Variants in PFDN4 observed in about 807,000 individuals in gnomAD.
The protein encoded by PFDN4 is prefoldin subunit 4.
In PFDN4, 6 loss-of-function variants were observed where a neutral mutation model predicts 17.6. That is an observed-to-expected ratio of 0.34 (90% CI 0.19 to 0.67). PFDN4 has a LOEUF of 0.67. Ranked by LOEUF, PFDN4 falls within the 30% of genes least tolerant of loss-of-function variation. The probability of loss-of-function intolerance (pLI) is 0.68; values close to 1 mark genes in which losing one functional copy is unlikely to be tolerated. For missense variants in PFDN4, 119 were observed against 158.4 expected (o/e 0.75, Z 1.33); for synonymous variants, 48 against 51.1 (o/e 0.94, Z 0.26).
chr20:54,218,960 C>T (rs1245926251), intron 3 of PFDN4, 59 bp from the exon 4 acceptor site: 1 of 1,105,488 alleles, frequency 9.0e-7, no homozygotes. Flanking sequence ...TTATTTCAGA[C>T]ACAGATGCTC....
intron 1 of PFDN4, among the ~76,000 whole-genome samples, chr20:54,213,217 A>T (rs1328121576): frequency 6.6e-6 from 1 of 152,254 alleles, no homozygotes; most frequent in Non-Finnish European, 1.5e-5. Context: ...ATACACACAC[A>T]AATATCTTTT....
At chr20:54,215,166 G>C (rs1964861) in intron 2 of PFDN4, 134 bp from the exon 3 acceptor site, 86,867 of 563,224 alleles carry the variant, frequency 0.15, 7,766 homozygotes, top group African/African-American at 0.18. Context: ...TACAAATTAA[G>C]GTCTTATTCT....
In PFDN4 at chr20:54,219,854, GTAAT is replaced by G. The variant is rs1377746374; in HGVS notation, c.*710_*713del. 2 of 396,466 alleles carry G rather than the reference GTAAT, an allele frequency of 5.0e-6. No homozygotes were observed. The highest frequency in any genetic ancestry group is 4.1e-5 in the African/African-American group (2 of 48,566). The allele number at this position is 396,466 out of a possible 1,614,324, so 24.6% of individuals were successfully genotyped here. On this transcript the variant is annotated 3_prime_UTR_variant, in exon 4 of 4. Transcript: ENST00000371419. Reference sequence around the variant, plus strand: ...ATTTTAGATTTTATTTTAGTGCTTTGTAATTAATTGGGGTTTATATTGATAAAGA... The same window carrying G: ...ATTTTAGATTTTATTTTAGTGCTTTGTAATTGGGGTTTATATTGATAAAGA...
At chr20:54,208,915 GGTTT>G (rs1206010122) in intron 1 of PFDN4, 1 of 152,212 alleles carries the variant, frequency 6.6e-6, no homozygotes, top group Non-Finnish European at 1.5e-5. Context: ...TTCAAACTCA[GGTTT>G]GTTTTTGTTT....
rs1568676405 is a variant in PFDN4, at chr20:54,214,369, GTTAC to G, written c.46_49del (p.Thr16SerfsTer7). 1 of 1,587,626 alleles carries G rather than the reference GTTAC, an allele frequency of 6.3e-7. No homozygotes were observed. Among genetic ancestry groups the G allele is most frequent in the Non-Finnish European group, 8.6e-7 (1 of 1,161,112 alleles). ...CTTTCAGGCTGCAGAAGATGTCAAT[GTTAC>G]TTTCGAAGATCAACAAAAGATAAAC... On this transcript the variant is annotated frameshift_variant, in exon 2 of 4. Coordinates refer to ENST00000371419, the MANE Select transcript of PFDN4 (RefSeq NM_002623.4). LOFTEE classifies it high-confidence loss of function.
intron 3 of PFDN4, among the ~76,000 whole-genome samples, chr20:54,217,523 T>A (rs2092764209): frequency 6.6e-6 from 1 of 152,206 alleles, no homozygotes. Flanking sequence ...TTTTGTGGGC[T>A]GCACAGCCTC....
rs1026897464 is a variant in PFDN4 at position 54,219,195 on chromosome 20, T to C, written c.*45T>C. 1 of 1,128,544 alleles carries C rather than the reference T, an allele frequency of 8.9e-7. No homozygotes were observed. The highest frequency in any genetic ancestry group is 1.2e-6 in the Non-Finnish European group (1 of 821,302). 69.9% of individuals were successfully genotyped at this position (1,128,544 alleles called of 1,614,324 possible). On this transcript the variant is annotated 3_prime_UTR_variant, in exon 4 of 4. Transcript: ENST00000371419. ...TTATTTGTTTAATAAACTTGAATAT[T>C]GTTTAAAATGATAATTTTCCTTCTT...
intron 1 of PFDN4, among the ~76,000 whole-genome samples, chr20:54,209,497 C>G (rs1461993691): frequency 6.6e-6 from 1 of 152,204 alleles, no homozygotes; most frequent in African/African-American, 2.4e-5. Context: ...TCCAAAAATT[C>G]TTACTGTGTC....
chr20:54,215,702 C>A (rs765358756), intron 3 of PFDN4, among the ~76,000 whole-genome samples: 31 of 152,162 alleles, frequency 2.0e-4, no homozygotes, highest in Non-Finnish European at 4.4e-4. Context: ...TCTTCTGACT[C>A]CAGAACCTTG....
chr20:54,212,049 C>T (rs1230578170), intron 1 of PFDN4, among the ~76,000 whole-genome samples: 4 of 152,076 alleles, frequency 2.6e-5, no homozygotes, highest in Middle Eastern at 3.4e-3. Context: ...GAAAATTAGC[C>T]GGACATGGTG....
chr20:54,214,451 T>C lies in PFDN4; in HGVS notation c.125T>C (p.Val42Ala). ...RITELKEEIE[V>A]KKKQLQNLED... is the part of the protein sequence containing the mutation. ...ACAGAGCTGAAGGAAGAAATAGAAG[T>C]AAAAAAGGTATTGAAAATAATTATT... The change falls in exon 2 of 4, where the codon GTA becomes GCA. Residue 42 changes from valine to alanine, a missense_variant. By Grantham distance (64) the Val-to-Ala change is moderately conservative. Transcript: ENST00000371419. 1 of 1,454,490 alleles carries C rather than the reference T, an allele frequency of 6.9e-7. No individual in the cohort carries two copies. The highest frequency in any genetic ancestry group is 2.3e-5 in the East Asian group (1 of 43,398). 90.1% of individuals were successfully genotyped at this position (1,454,490 alleles called of 1,614,324 possible).
Position 54,215,341 on chromosome 20 carries a change from G to T in PFDN4, c.174G>T (p.Met58Ile). 6.2e-7 allele frequency: 1 copy of T among 1,601,390 alleles called. No homozygotes were observed. The highest frequency in any genetic ancestry group is 8.5e-7 in the Non-Finnish European group (1 of 1,171,044). Residue 58 changes from methionine (M) to isoleucine (I), a missense_variant, in exon 3 of 4, where the codon ATG becomes ATT. Met to Ile is a conservative substitution (Grantham distance 10). Around this residue, in one of 3 missense-constraint regions of PFDN4, gnomAD observed 81 missense variants for 111.7 expected, o/e 0.73. Coordinates refer to ENST00000371419, the MANE Select transcript of PFDN4 (RefSeq NM_002623.4). ...TAGAAGATGCTTGTGATGACATCAT[G>T]CTTGCAGATGATGATTGCTTAATGA... ...QNLEDACDDI[M>I]LADDDCLMIP... is the part of the protein sequence containing the mutation.
chr20:54,210,954 G>A (rs2092754996), intron 1 of PFDN4, among the ~76,000 whole-genome samples: 2 of 152,112 alleles, frequency 1.3e-5, no homozygotes, highest in African/African-American at 2.4e-5. Flanking sequence ...GCATGATGGC[G>A]TTTGCCTATA....
intron 1 of PFDN4, among the ~76,000 whole-genome samples, chr20:54,210,513 A>G (rs2092754369): frequency 6.6e-6 from 1 of 152,218 alleles, no homozygotes; most frequent in African/African-American, 2.4e-5. Flanking sequence ...TCAACTGGTC[A>G]TGACTTTGCT....
chr20:54,209,881 T>G (rs549221223), intron 1 of PFDN4, among the ~76,000 whole-genome samples: 1 of 152,308 alleles, frequency 6.6e-6, no homozygotes, highest in South Asian at 2.1e-4. Context: ...CCCCTTAATC[T>G]CATAGCCCCA....
At chr20:54,216,642 T>A (rs1057297267) in intron 3 of PFDN4, among the ~76,000 whole-genome samples, 1 of 151,810 alleles carries the variant, frequency 6.6e-6, no homozygotes, top group Non-Finnish European at 1.5e-5. Context: ...ACTTTTATTT[T>A]ATTTTATTTA....
At chr20:54,208,631 T>A (rs1601172316) in intron 1 of PFDN4, 1 of 152,052 alleles carries the variant, frequency 6.6e-6, no homozygotes, top group Non-Finnish European at 1.5e-5. Context: ...GGACAGCAGG[T>A]TCCTGCATCC....
intron 1 of PFDN4, among the ~76,000 whole-genome samples, chr20:54,212,079 GCTA>G (rs2092756623): frequency 6.6e-6 from 1 of 152,134 alleles, no homozygotes; most frequent in East Asian, 1.9e-4. Flanking sequence ...TGTAATCTCA[GCTA>G]CTTGGGAGGC....
chr20:54,209,973 G>A (rs2092753575), intron 1 of PFDN4, among the ~76,000 whole-genome samples: 2 of 152,166 alleles, frequency 1.3e-5, no homozygotes, highest in African/African-American at 4.8e-5. Context: ...AACTGTGAAG[G>A]AAAAGTGCTT....
Sources: gnomAD v4.1 joint callset for allele counts (sites outside exome capture counted in the v4.1 genomes callset) on GRCh38, gnomAD v4.1.1 for gene constraint, gnomAD v4.1.1 regional missense constraint, MANE v1.5 for transcripts, NCBI Gene and HGNC (gene_info 2026-07-23, HGNC 2026-07-21) for gene names.